The following HHLA1 variants were observed in gnomAD, a reference collection of about 807,000 sequenced individuals.
HHLA1 encodes the protein HHLA1 neighbor of OC90.
HHLA1 carries 72 observed loss-of-function variants against 69.9 expected under a neutral mutation model. That is an observed-to-expected ratio of 1.03 (90% CI 0.85 to 1.25). The LOEUF (loss-of-function observed/expected upper bound fraction) is 1.25. Among genes scored for constraint, HHLA1 ranks in the 50% most tolerant of loss-of-function variants. The pLI is 0.00. For missense variants in HHLA1, 685 were observed against 642.2 expected (o/e 1.07, Z -0.72); for synonymous variants, 252 against 233.2 (o/e 1.08, Z -0.73).
intron 10 of HHLA1, among the ~76,000 whole-genome samples, chr8:132,081,990 A>T (rs532684861): frequency 7.9e-4 from 120 of 152,294 alleles, no homozygotes; most frequent in Admixed American, 2.5e-3. Context: ...TCAATAAATC[A>T]AGCGTGATCA....
At chr8:132,070,395 G>C (rs1186468050) in intron 15 of HHLA1, 1 of 701,802 alleles carries the variant, frequency 1.4e-6, no homozygotes, top group Non-Finnish European at 2.6e-6. Flanking sequence ...AATTTAGATA[G>C]ACATATCTTC....
intron 14 of HHLA1, among the ~76,000 whole-genome samples, chr8:132,073,126 A>G (rs1030888154): frequency 5.9e-5 from 9 of 152,166 alleles, no homozygotes; most frequent in Non-Finnish European, 1.2e-4. Flanking sequence ...ATTATAATTT[A>G]GCAGTAATTA....
chr8:132,078,415 C>A (rs1376389011), intron 11 of HHLA1, among the ~76,000 whole-genome samples: 12 of 152,172 alleles, frequency 7.9e-5, no homozygotes, highest in Non-Finnish European at 1.5e-4. Flanking sequence ...TTTTAGCTTC[C>A]TCATGAAAAT....
chr8:132,099,080 C>T, intron 4 of HHLA1, 118 bp from the exon 5 acceptor site: 2 of 712,842 alleles, frequency 2.8e-6, no homozygotes, highest in Admixed American at 2.9e-5. Context: ...GAAAACAAAC[C>T]AAGTGCCAGG....
At chr8:132,088,242 C>G (rs1273319277) in intron 8 of HHLA1, among the ~76,000 whole-genome samples, 1 of 152,120 alleles carries the variant, frequency 6.6e-6, no homozygotes, top group Non-Finnish European at 1.5e-5. Context: ...TCCCACAATC[C>G]CTCATTTGTA....
chr8:132,086,374 C>A (rs1267121024), intron 10 of HHLA1, among the ~76,000 whole-genome samples: 1 of 152,160 alleles, frequency 6.6e-6, no homozygotes, highest in Non-Finnish European at 1.5e-5. Flanking sequence ...AGTGGCCTTG[C>A]AGCCTCATTT....
intron 14 of HHLA1, among the ~76,000 whole-genome samples, chr8:132,072,074 G>A (rs1242501668): frequency 6.6e-6 from 1 of 152,104 alleles, no homozygotes; most frequent in African/African-American, 2.4e-5. Context: ...TGGCATGCTG[G>A]GTCACTGGAG....
rs1325757340 is a variant in HHLA1, at chr8:132,100,146, A to T, written c.140-12T>A. ...TCTAAGGCCAGACACTGGGAAGGAGACAGTTTTCATGAGAAAAATGTGAGT... is the reference window on the plus strand; with the variant it reads ...TCTAAGGCCAGACACTGGGAAGGAGTCAGTTTTCATGAGAAAAATGTGAGT... On this transcript the variant is annotated splice_polypyrimidine_tract_variant and intron_variant, in intron 3 of 16. Coordinates refer to ENST00000414222, the MANE Select transcript of HHLA1 (RefSeq NM_001145095.3). The T allele has an allele frequency of 2.6e-6, 4 of 1,542,314 alleles. No homozygotes were observed. The highest frequency in any genetic ancestry group is 3.5e-6 in the Non-Finnish European group (4 of 1,138,498).
chr8:132,066,838 G>A (rs1823448658), intron 15 of HHLA1, among the ~76,000 whole-genome samples: 1 of 152,174 alleles, frequency 6.6e-6, no homozygotes, highest in Admixed American at 6.5e-5. Flanking sequence ...TTCCCCAAGG[G>A]ATTTCTGGTG....
At chr8:132,092,209 A>T (rs747658971) in intron 7 of HHLA1, among the ~76,000 whole-genome samples, 1 of 152,204 alleles carries the variant, frequency 6.6e-6, no homozygotes, top group South Asian at 2.1e-4. Context: ...TCCTTTAGTA[A>T]GACAGTATCA....
In HHLA1 at chr8:132,089,595, A is replaced by G; in HGVS notation, c.453T>C (p.Phe151=). 1 of 1,459,342 alleles carries G rather than the reference A, an allele frequency of 6.9e-7. No homozygotes were observed. Among genetic ancestry groups the G allele is most frequent in the East Asian group, 2.5e-5 (1 of 40,586 alleles). The allele number at this position is 1,459,342 out of a possible 1,614,324, so 90.4% of individuals were successfully genotyped here. A position where few individuals can be genotyped will look rare whatever the true frequency, so the allele number is the denominator to read the frequency against. The change falls in exon 8 of 17, where the codon TTT becomes TTC. Residue 151 remains phenylalanine (F), a synonymous_variant. Coordinates refer to ENST00000414222, the MANE Select transcript of HHLA1 (RefSeq NM_001145095.3). ...CGATGATATCTACCAGTAGAGCTGT[A>G]AAATCTGCAAGACAAATTTAGGAGG... ...LNNRTNDLSD[F]TALLVDIIGN...
At chr8:132,076,426 C>T in intron 13 of HHLA1, 49 bp downstream of exon 13, 2 of 697,674 alleles carry the variant, frequency 2.9e-6, no homozygotes, top group Non-Finnish European at 5.0e-6. Context: ...GCTTCCCACC[C>T]CTCCCATCCC....
intron 1 of HHLA1, among the ~76,000 whole-genome samples, chr8:132,105,626 G>A (rs933641631): frequency 6.6e-6 from 1 of 152,336 alleles, no homozygotes. Flanking sequence ...GGCACTGGAA[G>A]GGAGAGAGCT....
At chr8:132,079,662 G>C in intron 11 of HHLA1, 56 bp downstream of exon 11, 1 of 1,479,492 alleles carries the variant, frequency 6.8e-7, no homozygotes, top group Non-Finnish European at 9.0e-7. Context: ...TGTGAGCCTA[G>C]AGGTAACAGG....
At chr8:132,096,919 C>T (rs1358404674) in intron 5 of HHLA1, among the ~76,000 whole-genome samples, 1 of 152,036 alleles carries the variant, frequency 6.6e-6, no homozygotes, top group African/African-American at 2.4e-5. Flanking sequence ...CAGTAATCCT[C>T]CCACCTCAGC....
chr8:132,097,025 G>C (rs1824037131), intron 5 of HHLA1, among the ~76,000 whole-genome samples: 1 of 152,138 alleles, frequency 6.6e-6, no homozygotes, highest in South Asian at 2.1e-4. Context: ...ATGGTGGATG[G>C]AATGGCAGAA....
intron 14 of HHLA1, among the ~76,000 whole-genome samples, chr8:132,072,423 G>T (rs1377107033): frequency 6.6e-6 from 1 of 151,746 alleles, no homozygotes; most frequent in South Asian, 2.1e-4. Context: ...ATAAATAATA[G>T]CAATTATTAT....
chr8:132,094,148 T>C (rs985493147), intron 7 of HHLA1, among the ~76,000 whole-genome samples: 3 of 151,628 alleles, frequency 2.0e-5, no homozygotes, highest in African/African-American at 7.3e-5. Context: ...ACTGGTTACA[T>C]AGTCATTACA....
intron 5 of HHLA1, among the ~76,000 whole-genome samples, chr8:132,096,701 T>A (rs1824031450): frequency 6.6e-6 from 1 of 152,118 alleles, no homozygotes; most frequent in South Asian, 2.1e-4. Flanking sequence ...TAGGTGCACC[T>A]ATTAAAAGGG....
Sources: allele counts gnomAD v4.1 joint callset (sites outside exome capture counted in the v4.1 genomes callset), GRCh38; gene constraint gnomAD v4.1.1; transcripts MANE v1.5; gene names NCBI Gene and HGNC (gene_info 2026-07-23, HGNC 2026-07-21).